GRIK2: variants seen among roughly 807,000 people sequenced by gnomAD.
GRIK2 encodes the protein glutamate ionotropic receptor kainate type subunit 2, also known as glutamate receptor ionotropic, kainate 2.
GRIK2 carries 32 observed loss-of-function variants against 100.3 expected under a neutral mutation model. The observed-to-expected ratio is 0.32, with a 90% confidence interval of 0.24 to 0.43. The LOEUF is 0.43. GRIK2 is among the 20% of genes least tolerant of loss of function. The pLI is 1.00. For missense variants in GRIK2, 843 were observed against 1,114.9 expected, an observed-to-expected ratio of 0.76 and a Z score of 3.47; for synonymous variants, 417 against 389.4, an observed-to-expected ratio of 1.07 and a Z score of -0.83.
chr6:101,652,270 C>G (rs1317504934), intron 4 of GRIK2, among the ~76,000 whole-genome samples: 3 of 152,032 alleles, frequency 2.0e-5, no homozygotes, highest in Non-Finnish European at 4.4e-5. Flanking sequence ...AAGGTGGAGC[C>G]CTCATGAATG....
rs758927699 is a variant in GRIK2 at position 101,683,795 on chromosome 6, T to C, written c.777+1189T>C. 7.2e-4 allele frequency among the ~76,000 whole-genome samples: 110 copies of C among 152,358 alleles called. 1 individual carries two copies. Among genetic ancestry groups the C allele is most frequent in the Non-Finnish European group, 1.3e-3 (90 of 68,036 alleles). ...GAAATATTTAAACTTTAGTGTCCTC[T>C]GAATTGACGTCTCTTCTGATTATCT... On this transcript the variant is annotated intron_variant, in intron 6 of 16. Coordinates refer to ENST00000369134, the MANE Select transcript of GRIK2 (RefSeq NM_021956.5).
intron 11 of GRIK2, among the ~76,000 whole-genome samples, chr6:101,880,058 G>A (rs1273745798): frequency 2.0e-5 from 3 of 151,944 alleles, no homozygotes; most frequent in Non-Finnish European, 4.4e-5. Flanking sequence ...GGACTACTGT[G>A]GCTATCTAGT....
chr6:102,066,398 G>C (rs1772018180), intron 16 of GRIK2, among the ~76,000 whole-genome samples: 1 of 151,586 alleles, frequency 6.6e-6, no homozygotes. Context: ...CAGGGAGAGA[G>C]ATACATAGAG....
chr6:102,021,001 C>A (rs1342469711), intron 14 of GRIK2, among the ~76,000 whole-genome samples: 1 of 151,706 alleles, frequency 6.6e-6, no homozygotes, highest in African/African-American at 2.4e-5. Context: ...TTTAAATTTT[C>A]ATTCTATAGA....
intron 14 of GRIK2, among the ~76,000 whole-genome samples, chr6:101,946,561 A>G (rs150781980): frequency 1.6e-4 from 24 of 152,266 alleles, no homozygotes; most frequent in Middle Eastern, 3.4e-3. Flanking sequence ...TTAATTAGCT[A>G]TTATGAATAA....
At chr6:101,651,763 A>T (rs115790795) in intron 4 of GRIK2, among the ~76,000 whole-genome samples, 4,191 of 152,216 alleles carry the variant, frequency 0.028, 188 homozygotes, top group African/African-American at 0.094. Flanking sequence ...CTAACGTCTC[A>T]CTGGAGATCT....
intron 11 of GRIK2, among the ~76,000 whole-genome samples, chr6:101,880,348 C>G (rs1042101183): frequency 1.3e-5 from 2 of 152,018 alleles, no homozygotes; most frequent in African/African-American, 2.4e-5. Context: ...TAAGTTATCT[C>G]AAATATTCCA....
intron 7 of GRIK2, among the ~76,000 whole-genome samples, chr6:101,727,043 T>C (rs1242353143): frequency 6.6e-6 from 1 of 152,092 alleles, no homozygotes; most frequent in Non-Finnish European, 1.5e-5. Context: ...TTTTAGTATC[T>C]GACATTTTAT....
At chr6:101,576,791 T>A (rs896683899) in intron 2 of GRIK2, among the ~76,000 whole-genome samples, 7 of 151,998 alleles carry the variant, frequency 4.6e-5, no homozygotes, top group African/African-American at 1.7e-4. Flanking sequence ...ACATAAAAAA[T>A]TTTTGCTGCC....
At chr6:101,784,884 T>C (rs1779327249) in intron 7 of GRIK2, among the ~76,000 whole-genome samples, 1 of 152,214 alleles carries the variant, frequency 6.6e-6, no homozygotes, top group Non-Finnish European at 1.5e-5. Flanking sequence ...GTAGTATCTT[T>C]ATAGCAGTGT....
chr6:101,948,639 T>C (rs1021113807), intron 14 of GRIK2, among the ~76,000 whole-genome samples: 1 of 151,602 alleles, frequency 6.6e-6, no homozygotes, highest in African/African-American at 2.4e-5. Context: ...AAAAGGTTTT[T>C]TTATTGTTTT....
At chr6:101,631,379 C>G (rs923763641) in intron 4 of GRIK2, among the ~76,000 whole-genome samples, 12 of 152,188 alleles carry the variant, frequency 7.9e-5, no homozygotes, top group African/African-American at 2.9e-4. Flanking sequence ...GACTGGTAAA[C>G]AGAAGCATGG....
intron 10 of GRIK2, among the ~76,000 whole-genome samples, chr6:101,829,132 C>T (rs1414503595): frequency 2.0e-5 from 3 of 151,924 alleles, no homozygotes; most frequent in African/African-American, 7.2e-5. Context: ...AAATGTGATT[C>T]ACCACATAAA....
At chr6:101,571,865 C>T (rs1777550886) in intron 2 of GRIK2, among the ~76,000 whole-genome samples, 1 of 152,020 alleles carries the variant, frequency 6.6e-6, no homozygotes. Context: ...TATACATAAC[C>T]ATGCAGAACA....
At chr6:101,432,044 T>C (rs191514851) in intron 2 of GRIK2, among the ~76,000 whole-genome samples, 1 of 152,278 alleles carries the variant, frequency 6.6e-6, no homozygotes, top group East Asian at 1.9e-4. Context: ...AAGAAATTAA[T>C]ACTCTTGCGC....
intron 5 of GRIK2, among the ~76,000 whole-genome samples, chr6:101,679,903 GTAT>G (rs1771117146): frequency 6.6e-6 from 1 of 151,948 alleles, no homozygotes; most frequent in South Asian, 2.1e-4. Flanking sequence ...CACGCCCAGC[GTAT>G]TTTTTGTATT....
chr6:101,444,024 A>G (rs2128247006), intron 2 of GRIK2, among the ~76,000 whole-genome samples: 1 of 151,742 alleles, frequency 6.6e-6, no homozygotes, highest in Middle Eastern at 3.4e-3. Flanking sequence ...GGCTCAGACT[A>G]CAGGTATGCA....
intron 2 of GRIK2, among the ~76,000 whole-genome samples, chr6:101,459,569 A>C (rs1330482403): frequency 6.6e-6 from 1 of 152,202 alleles, no homozygotes; most frequent in African/African-American, 2.4e-5. Flanking sequence ...GTTGACCTTA[A>C]CTATGCAAAC....
At position 101,889,636 on chromosome 6, in the gene GRIK2, A is replaced by G. The variant is rs779683220; in HGVS notation, c.1525-4A>G. On this transcript the variant is annotated splice_polypyrimidine_tract_variant and splice_region_variant and intron_variant, in intron 11 of 16. Transcript: ENST00000369134. ...TTTTTTTTTTTGTTTGTTTCTGTCT[A>G]CAGAAAGCTGACCTTGCAGTTGCTC... 1 of 1,287,006 alleles carries G rather than the reference A, an allele frequency of 7.8e-7. No individual in the cohort carries two copies. Among genetic ancestry groups the G allele is most frequent in the Non-Finnish European group, 1.0e-6 (1 of 965,642 alleles). 79.7% of individuals were successfully genotyped at this position (1,287,006 alleles called of 1,614,324 possible).
Sources: gnomAD v4.1 joint callset for allele counts (sites outside exome capture counted in the v4.1 genomes callset) on GRCh38, gnomAD v4.1.1 for gene constraint, MANE v1.5 for transcripts, NCBI Gene and HGNC (gene_info 2026-07-23, HGNC 2026-07-21) for gene names.